MALRD1: variants seen among roughly 807,000 people sequenced by gnomAD.
MALRD1 encodes the protein MAM and LDL-receptor class A domain-containing protein 1.
Under a neutral mutation model 242.1 loss-of-function variants are expected in MALRD1, and 247 were observed. That is an observed-to-expected ratio of 1.02 (90% CI 0.92 to 1.13). The LOEUF is 1.13. Among genes scored for constraint, MALRD1 ranks in the 50% most tolerant of loss-of-function variants. The pLI is 0.00. For synonymous variants in MALRD1, 995 were observed against 866.6 expected, an observed-to-expected ratio of 1.15 and a Z score of -2.60; for missense variants, 2,989 against 2,533.1, an observed-to-expected ratio of 1.18 and a Z score of -3.86.
rs76059546 is a variant in MALRD1 at position 19,456,091 on chromosome 10, C to T, written c.5029+5601C>T. 3.5e-3 allele frequency among the ~76,000 whole-genome samples: 533 copies of T among 152,106 alleles called. 2 individuals are homozygous for T. The highest frequency in any genetic ancestry group is 0.012 in the African/African-American group (511 of 41,478). On this transcript the variant is annotated intron_variant, in intron 29 of 39. Coordinates refer to ENST00000454679, the MANE Select transcript of MALRD1 (RefSeq NM_001142308.3). ...ATTGAATGATGACCAGTTTTCAGTT[C>T]AAGGAAAAGGAAGAGATAATTTAGG... is the stretch of plus-strand genomic sequence containing the variant.
At chr10:19,186,725 C>G (rs76226122) in intron 14 of MALRD1, among the ~76,000 whole-genome samples, 1 of 151,864 alleles carries the variant, frequency 6.6e-6, no homozygotes, top group Non-Finnish European at 1.5e-5. Context: ...TTGACAAGAT[C>G]GTTGTTCTTC....
intron 32 of MALRD1, among the ~76,000 whole-genome samples, chr10:19,549,786 A>C (rs1217054672): frequency 1.3e-5 from 2 of 152,204 alleles, no homozygotes; most frequent in Non-Finnish European, 2.9e-5. Context: ...TAGCAGTGGA[A>C]ACTGAAATTT....
intron 18 of MALRD1, among the ~76,000 whole-genome samples, chr10:19,239,067 T>G (rs1838637951): frequency 6.6e-6 from 1 of 151,586 alleles, no homozygotes; most frequent in African/African-American, 2.4e-5. Context: ...CCTTTTCTTT[T>G]TTTTTTTTTG....
At chr10:19,553,280 G>T (rs2131412717) in intron 32 of MALRD1, among the ~76,000 whole-genome samples, 1 of 151,952 alleles carries the variant, frequency 6.6e-6, no homozygotes, top group Non-Finnish European at 1.5e-5. Context: ...CATATCAGTA[G>T]GAAAATATTA....
intron 14 of MALRD1, among the ~76,000 whole-genome samples, chr10:19,179,503 A>T (rs1312644356): frequency 6.6e-6 from 1 of 152,038 alleles, no homozygotes; most frequent in African/African-American, 2.4e-5. Flanking sequence ...TATAAAAATT[A>T]TCAGGGCATG....
At chr10:19,109,118 G>A (rs1836581930) in intron 5 of MALRD1, among the ~76,000 whole-genome samples, 1 of 152,144 alleles carries the variant, frequency 6.6e-6, no homozygotes, top group African/African-American at 2.4e-5. Flanking sequence ...TTCTTCAGCT[G>A]TAGTCAACAT....
At chr10:19,581,902 T>A (rs1469039448) in intron 33 of MALRD1, among the ~76,000 whole-genome samples, 1 of 152,234 alleles carries the variant, frequency 6.6e-6, no homozygotes, top group Non-Finnish European at 1.5e-5. Flanking sequence ...ACTTTTTTAA[T>A]GATTCCCATT....
At chr10:19,689,253 T>A (rs772635309) in intron 36 of MALRD1, among the ~76,000 whole-genome samples, 6 of 152,162 alleles carry the variant, frequency 3.9e-5, no homozygotes, top group Non-Finnish European at 7.4e-5. Flanking sequence ...TGTGTGTATC[T>A]GTACGTGTGT....
intron 18 of MALRD1, among the ~76,000 whole-genome samples, chr10:19,214,026 T>C (rs1413849000): frequency 3.3e-5 from 5 of 152,186 alleles, no homozygotes; most frequent in Non-Finnish European, 7.3e-5. Flanking sequence ...TTACTTTTCA[T>C]CTTATCTGGG....
intron 32 of MALRD1, among the ~76,000 whole-genome samples, chr10:19,533,679 G>A (rs1387800427): frequency 6.6e-6 from 1 of 152,106 alleles, no homozygotes; most frequent in Non-Finnish European, 1.5e-5. Context: ...ACTTTTAAAT[G>A]ACCAGATATC....
chr10:19,263,338 C>T (rs904959767), intron 19 of MALRD1, among the ~76,000 whole-genome samples: 2 of 152,178 alleles, frequency 1.3e-5, no homozygotes, highest in Non-Finnish European at 2.9e-5. Flanking sequence ...GACATCCTAA[C>T]AGATGAGAGT....
chr10:19,711,277 G>T (rs906395316), intron 38 of MALRD1: 1 of 152,124 alleles, frequency 6.6e-6, no homozygotes, highest in Non-Finnish European at 1.5e-5. Flanking sequence ...TCAAAGACCA[G>T]TTGATTTTCA....
chr10:19,434,069 C>T (rs1834253344), intron 28 of MALRD1, among the ~76,000 whole-genome samples: 1 of 152,094 alleles, frequency 6.6e-6, no homozygotes, highest in Non-Finnish European at 1.5e-5. Context: ...TGCTTTCTAC[C>T]TCTTCAGCTC....
At chr10:19,508,617 A>C (rs1393343035) in intron 31 of MALRD1, among the ~76,000 whole-genome samples, 1 of 152,214 alleles carries the variant, frequency 6.6e-6, no homozygotes, top group Non-Finnish European at 1.5e-5. Context: ...CTGGATTTCA[A>C]ATATGTAGTA....
intron 10 of MALRD1, among the ~76,000 whole-genome samples, chr10:19,144,357 C>A (rs1310269240): frequency 6.6e-6 from 1 of 152,180 alleles, no homozygotes; most frequent in Non-Finnish European, 1.5e-5. Flanking sequence ...ATATGGAAGA[C>A]CCACTGTCTA....
intron 31 of MALRD1, among the ~76,000 whole-genome samples, chr10:19,504,730 C>T (rs113597267): frequency 0.22 from 29,716 of 132,652 alleles, 4,655 homozygotes; most frequent in African/African-American, 0.47. Context: ...GGCCGGACTG[C>T]GGACTGCAGT....
intron 32 of MALRD1, among the ~76,000 whole-genome samples, chr10:19,550,227 C>G (rs1019794020): frequency 2.6e-5 from 4 of 151,954 alleles, no homozygotes; most frequent in Non-Finnish European, 4.4e-5. Flanking sequence ...ATTACCCGCT[C>G]CCCTACTTGC....
intron 28 of MALRD1, among the ~76,000 whole-genome samples, chr10:19,416,481 G>C (rs1833517105): frequency 6.6e-6 from 1 of 152,004 alleles, no homozygotes; most frequent in Non-Finnish European, 1.5e-5. Flanking sequence ...TCATTGATGT[G>C]AGTTCTAACC....
intron 21 of MALRD1, among the ~76,000 whole-genome samples, chr10:19,313,105 C>CT (rs1842499662): frequency 6.6e-6 from 1 of 151,364 alleles, no homozygotes; most frequent in African/African-American, 2.4e-5. Flanking sequence ...AAATCAGGTG[C>CT]TACACTAAGA....
Sources: allele counts gnomAD v4.1 joint callset (sites outside exome capture counted in the v4.1 genomes callset), GRCh38; gene constraint gnomAD v4.1.1; transcripts MANE v1.5; gene names NCBI Gene and HGNC (gene_info 2026-07-23, HGNC 2026-07-21).